PLPPR4: variants seen among roughly 807,000 people sequenced by gnomAD.
PLPPR4 encodes the protein phospholipid phosphatase-related protein type 4.
Under a neutral mutation model 56.6 loss-of-function variants are expected in PLPPR4, and 24 were observed. The observed-to-expected ratio is 0.42, with a 90% confidence interval of 0.31 to 0.60. The LOEUF is 0.60. PLPPR4 is among the 20% of genes least tolerant of loss of function. The pLI, the probability that PLPPR4 is intolerant of heterozygous loss-of-function variation, is 0.13. For missense variants in PLPPR4, 654 were observed against 885.8 expected (o/e 0.74, Z 3.32); for synonymous variants, 326 against 328.1 (o/e 0.99, Z 0.07).
chr1:99,273,077 C>A (rs1246122053), intron 1 of PLPPR4, among the ~76,000 whole-genome samples: 1 of 152,024 alleles, frequency 6.6e-6, no homozygotes, highest in Non-Finnish European at 1.5e-5. Context: ...ATGGAGTAAT[C>A]TTTTCATGGT....
chr1:99,283,766 A>C (rs560075496), intron 1 of PLPPR4, among the ~76,000 whole-genome samples: 1 of 151,812 alleles, frequency 6.6e-6, no homozygotes, highest in Non-Finnish European at 1.5e-5. Flanking sequence ...CCTGGCTAAC[A>C]CGGTGAAACC....
At chr1:99,267,427 T>C (rs1404401209) in intron 1 of PLPPR4, among the ~76,000 whole-genome samples, 1 of 152,192 alleles carries the variant, frequency 6.6e-6, no homozygotes, top group Non-Finnish European at 1.5e-5. Flanking sequence ...TGCCAGATAC[T>C]ACATGAATAA....
chr1:99,272,905 G>A (rs1463933706), intron 1 of PLPPR4, among the ~76,000 whole-genome samples: 1 of 151,940 alleles, frequency 6.6e-6, no homozygotes, highest in Non-Finnish European at 1.5e-5. Flanking sequence ...AAGACTCAGG[G>A]AAGTCCAAAA....
chr1:99,286,433 A>T (rs1248685370), intron 1 of PLPPR4, among the ~76,000 whole-genome samples: 1 of 152,222 alleles, frequency 6.6e-6, no homozygotes, highest in Non-Finnish European at 1.5e-5. Context: ...CTCACTTCAT[A>T]GAGCACTTAT....
intron 1 of PLPPR4, among the ~76,000 whole-genome samples, 164 bp downstream of exon 1, chr1:99,264,835 C>CGA (rs1408549484): frequency 6.6e-6 from 1 of 152,162 alleles, no homozygotes; most frequent in Non-Finnish European, 1.5e-5. Flanking sequence ...AGCAGCTCCC[C>CGA]GAATGTGCCT....
chr1:99,263,267 A>G (rs189833242), upstream of PLPPR4, among the ~76,000 whole-genome samples: 3 of 152,270 alleles, frequency 2.0e-5, no homozygotes, highest in East Asian at 5.8e-4. Flanking sequence ...GGTTCAACTA[A>G]GCCGGGATAT....
chr1:99,290,519 A>G (rs1659588668), intron 2 of PLPPR4, among the ~76,000 whole-genome samples: 3 of 152,320 alleles, frequency 2.0e-5, no homozygotes, highest in African/African-American at 7.2e-5. Flanking sequence ...AGCTGGAGGC[A>G]TCACATTACC....
chr1:99,303,924 A>G (rs1356357664), intron 6 of PLPPR4, among the ~76,000 whole-genome samples: 2 of 152,142 alleles, frequency 1.3e-5, no homozygotes, highest in East Asian at 3.9e-4. Flanking sequence ...TAGTTTATGT[A>G]TTGCTTTTGC....
At chr1:99,296,268 T>C (rs1284938087) in intron 2 of PLPPR4, among the ~76,000 whole-genome samples, 1 of 152,200 alleles carries the variant, frequency 6.6e-6, no homozygotes, top group Non-Finnish European at 1.5e-5. Flanking sequence ...TGGCATAAGA[T>C]TAAAAATTCA....
At chr1:99,291,146 CAA>C (rs1659610223) in intron 2 of PLPPR4, among the ~76,000 whole-genome samples, 1 of 150,956 alleles carries the variant, frequency 6.6e-6, no homozygotes, top group Non-Finnish European at 1.5e-5. Context: ...AGACACTTCT[CAA>C]AAGAGGGCAT....
chr1:99,263,224 A>C (rs558755995), upstream of PLPPR4, among the ~76,000 whole-genome samples: 1 of 152,286 alleles, frequency 6.6e-6, no homozygotes, highest in South Asian at 2.1e-4. Flanking sequence ...TTCTCCAGCC[A>C]CTTTCAGTTG....
chr1:99,285,185 C>T (rs942214094), intron 1 of PLPPR4, among the ~76,000 whole-genome samples: 7 of 152,038 alleles, frequency 4.6e-5, no homozygotes, highest in Admixed American at 6.6e-5. Context: ...CTGTCACTTA[C>T]GATATGTAAC....
upstream of PLPPR4, chr1:99,264,456 C>T (rs534742126): frequency 2.2e-4 from 327 of 1,493,946 alleles, 2 homozygotes; most frequent in East Asian, 7.9e-3. Flanking sequence ...CTGCATGCAG[C>T]GCGCTGGCTC....
rs1362978377 is a variant in PLPPR4 at position 99,285,369 on chromosome 1, T to G, written c.79-2596T>G. On this transcript the variant is annotated intron_variant, in intron 1 of 6. Coordinates refer to ENST00000370185, the MANE Select transcript of PLPPR4 (RefSeq NM_014839.5). ...TTGTTAAATTAATACTTAAATATAT[T>G]TATATGGATTTAAGTGGAAATTTCA... Among the ~76,000 whole-genome samples, 13 of 152,220 alleles carry G rather than the reference T, an allele frequency of 8.5e-5. No individual in the cohort carries two copies. In the East Asian group the frequency reaches 2.1e-3, roughly 25 times the overall value.
intron 4 of PLPPR4, 141 bp from the exon 5 acceptor site, chr1:99,300,768 G>A: frequency 1.5e-6 from 1 of 658,058 alleles, no homozygotes; most frequent in Non-Finnish European, 2.8e-6. Context: ...TCTTTCACCA[G>A]AAAGCTGGAC....
chr1:99,297,788 C>T (rs1472761071), intron 3 of PLPPR4, among the ~76,000 whole-genome samples: 2 of 152,038 alleles, frequency 1.3e-5, no homozygotes, highest in Non-Finnish European at 2.9e-5. Context: ...ATCGCAAACT[C>T]AGGCAAGGAA....
At chr1:99,265,468 T>C (rs1557770905) in intron 1 of PLPPR4, among the ~76,000 whole-genome samples, 2 of 152,192 alleles carry the variant, frequency 1.3e-5, no homozygotes, top group African/African-American at 2.4e-5. Flanking sequence ...AGGAGTGTTA[T>C]AAAGATTGGC....
Position 99,307,579 on chromosome 1 carries a change from C to T in PLPPR4, c.*569C>T, listed in dbSNP as rs1366567228. The stretch of plus-strand genomic sequence containing the variant: ...TACTTTATTAAGAAGATGCTGGCTG[C>T]TTTGTGTTAGAATAGGACACCCCGC... On this transcript the variant is annotated 3_prime_UTR_variant, in exon 7 of 7. Coordinates refer to ENST00000370185, the MANE Select transcript of PLPPR4 (RefSeq NM_014839.5). The T allele has an allele frequency of 6.6e-6, 1 of 152,558 alleles. No individual in the cohort carries two copies. Among genetic ancestry groups the T allele is most frequent in the African/African-American group, 2.4e-5 (1 of 41,442 alleles). The allele number at this position is 152,558 out of a possible 1,614,324, so 9.5% of individuals were successfully genotyped here. A position where few individuals can be genotyped will look rare whatever the true frequency, so the allele number is the denominator to read the frequency against.
chr1:99,305,186 G>A (rs1456060582), intron 6 of PLPPR4, among the ~76,000 whole-genome samples: 2 of 152,070 alleles, frequency 1.3e-5, no homozygotes, highest in Admixed American at 1.3e-4. Flanking sequence ...AATAACATAT[G>A]TCTCCGACCT....
Sources: gnomAD v4.1 joint callset for allele counts (sites outside exome capture counted in the v4.1 genomes callset) on GRCh38, gnomAD v4.1.1 for gene constraint, MANE v1.5 for transcripts, NCBI Gene and HGNC (gene_info 2026-07-23, HGNC 2026-07-21) for gene names.